The following YY1AP1 variants were observed in gnomAD, a reference collection of about 807,000 sequenced individuals.
YY1AP1 encodes the protein YY1-associated protein 1.
Under a neutral mutation model 39.9 loss-of-function variants are expected in YY1AP1, and 43 were observed. That is an observed-to-expected ratio of 1.08 (90% CI 0.84 to 1.39). YY1AP1 has a LOEUF of 1.39. Among genes scored for constraint, YY1AP1 ranks in the 40% most tolerant of loss-of-function variants. The pLI is 0.00. For missense variants in YY1AP1, 813 were observed against 900.7 expected, an observed-to-expected ratio of 0.90 and a Z score of 1.25; for synonymous variants, 292 against 331.3, an observed-to-expected ratio of 0.88 and a Z score of 1.29.
chr1:155,680,741 A>G (rs957225520), intron 2 of YY1AP1, among the ~76,000 whole-genome samples: 4 of 151,958 alleles, frequency 2.6e-5, no homozygotes, highest in Admixed American at 6.6e-5. Flanking sequence ...TAATTCTTCC[A>G]TATTTTGTAG....
chr1:155,675,226 C>A, intron 5 of YY1AP1, 130 bp from the exon 6 acceptor site: 2 of 754,464 alleles, frequency 2.7e-6, no homozygotes. Context: ...AGTGGTGCAA[C>A]CATGACTCAA....
At chr1:155,666,395 A>G (rs1331051173) in intron 9 of YY1AP1, among the ~76,000 whole-genome samples, 1 of 152,218 alleles carries the variant, frequency 6.6e-6, no homozygotes, top group Non-Finnish European at 1.5e-5. Context: ...TGCTGGGATT[A>G]CAGGCGTGAG....
At chr1:155,667,192 AAT>A (rs1649135417) in intron 9 of YY1AP1, among the ~76,000 whole-genome samples, 1 of 152,000 alleles carries the variant, frequency 6.6e-6, no homozygotes, top group Non-Finnish European at 1.5e-5. Context: ...TCTCAAGAAA[AAT>A]ACAAAAACAC....
chr1:155,685,635 T>A (rs1421143466), intron 2 of YY1AP1, among the ~76,000 whole-genome samples: 1 of 152,202 alleles, frequency 6.6e-6, no homozygotes, highest in African/African-American at 2.4e-5. Context: ...AAATTAAAAA[T>A]ATGGATCCTG....
chr1:155,664,772 T>TTAA (rs1201144373), intron 9 of YY1AP1, among the ~76,000 whole-genome samples: 1 of 150,752 alleles, frequency 6.6e-6, no homozygotes, highest in African/African-American at 2.4e-5. Context: ...ATGGAGATTT[T>TTAA]TTTTTTTTTT....
At chr1:155,680,378 T>C in intron 3 of YY1AP1, 38 bp downstream of exon 3, 1 of 1,611,642 alleles carries the variant, frequency 6.2e-7, no homozygotes, top group Non-Finnish European at 8.5e-7. Flanking sequence ...GAGAACCAAC[T>C]TACAATCCCA....
At chr1:155,673,589 C>G (rs529719902) in intron 6 of YY1AP1, among the ~76,000 whole-genome samples, 4 of 152,050 alleles carry the variant, frequency 2.6e-5, no homozygotes, top group Admixed American at 2.0e-4. Flanking sequence ...CTCTGTCACC[C>G]AGGCTGGAGT....
chr1:155,688,251 C>T (rs1217075933), intron 1 of YY1AP1, 50 bp from the exon 2 acceptor site: 1 of 1,607,868 alleles, frequency 6.2e-7, no homozygotes. Flanking sequence ...GCTAAAGGGG[C>T]AAACTGAGAG....
intron 9 of YY1AP1, among the ~76,000 whole-genome samples, chr1:155,661,719 G>A (rs966228615): frequency 6.6e-6 from 1 of 152,188 alleles, no homozygotes; most frequent in Admixed American, 6.5e-5. Flanking sequence ...GCAATGGCGC[G>A]ATCTCCGCTC....
At chr1:155,665,523 C>T (rs1233023996) in intron 9 of YY1AP1, among the ~76,000 whole-genome samples, 7 of 151,666 alleles carry the variant, frequency 4.6e-5, no homozygotes, top group Admixed American at 1.3e-4. Context: ...TGCTTGAACC[C>T]GGGAGGCGGA....
At position 155,660,728 on chromosome 1, in the gene YY1AP1, T is replaced by G. The variant is rs755439774; in HGVS notation, c.1182A>C (p.Pro394=). 26 of 1,614,112 alleles carry G rather than the reference T, an allele frequency of 1.6e-5. No individual in the cohort carries two copies. The highest frequency in any genetic ancestry group is 1.0e-4 in the Admixed American group (6 of 60,008). Residue 394 remains proline (P), a synonymous_variant, in exon 11 of 11, where the codon CCA becomes CCC. Transcript: ENST00000355499. ...LPKGVVLKLK[P]VADRFPKKAW... is the part of the protein sequence containing the mutation. ...CCTTCTTGGGGAAACGGTCGGCAAC[T>G]GGCTTCAGTTTCAGGACTACACCCT... is the stretch of plus-strand genomic sequence containing the variant.
At chr1:155,679,185 A>G in intron 4 of YY1AP1, 1 of 1,487,860 alleles carries the variant, frequency 6.7e-7, no homozygotes, top group African/African-American at 1.4e-5. Flanking sequence ...GATGCCAGCT[A>G]CTGTTTTTTC....
At chr1:155,682,786 A>T (rs1260008926) in intron 2 of YY1AP1, among the ~76,000 whole-genome samples, 1 of 152,130 alleles carries the variant, frequency 6.6e-6, no homozygotes, top group Non-Finnish European at 1.5e-5. Flanking sequence ...AATTTTTGTC[A>T]ACAGAAGAAT....
upstream of YY1AP1, chr1:155,688,814 A>C: frequency 3.8e-6 from 6 of 1,563,616 alleles, no homozygotes; most frequent in Non-Finnish European, 5.2e-6. Flanking sequence ...CCACCGCGGG[A>C]CTGTTCCATT....
intron 9 of YY1AP1, among the ~76,000 whole-genome samples, chr1:155,665,608 A>C (rs1648869957): frequency 6.6e-6 from 1 of 151,256 alleles, no homozygotes; most frequent in Non-Finnish European, 1.5e-5. Context: ...TCTCAAAAAA[A>C]AGCAAAACAA....
intron 6 of YY1AP1, among the ~76,000 whole-genome samples, chr1:155,674,138 G>A (rs1318102119): frequency 7.1e-6 from 1 of 141,254 alleles, no homozygotes; most frequent in Non-Finnish European, 1.5e-5. Context: ...TCCAGCCTGG[G>A]CGACAGAGCG....
At position 155,659,957 on chromosome 1, in the gene YY1AP1, G is replaced by A; in HGVS notation, c.1953C>T (p.Ala651=). 1.2e-6 allele frequency: 2 copies of A among 1,614,228 alleles called. No homozygotes were observed. Among genetic ancestry groups the A allele is most frequent in the South Asian group, 1.1e-5 (1 of 91,084 alleles). ...CTAATTTGGGTTCTAGGCCCTGAAAGGCATTTTCCCCATCAGCCACAGCAC... is the reference window on the plus strand; with the variant it reads ...CTAATTTGGGTTCTAGGCCCTGAAAAGCATTTTCCCCATCAGCCACAGCAC... ...IACAVADGEN[A]FQGLEPKLEP... is the part of the protein sequence containing the mutation. Residue 651 remains alanine (A), a synonymous_variant, in exon 11 of 11, where the codon GCC becomes GCT. Transcript: ENST00000355499.
At chr1:155,688,532 C>T (rs1653054669) in intron 1 of YY1AP1, 127 bp downstream of exon 1, 5 of 1,543,768 alleles carry the variant, frequency 3.2e-6, no homozygotes, top group African/African-American at 1.4e-5. Flanking sequence ...TCCCACCAAC[C>T]ACCACCTTCG....
rs2149090240 is a variant in YY1AP1, at chr1:155,688,639, G to A, written c.-152+20C>T. On this transcript the variant is annotated intron_variant, in intron 1 of 10. Coordinates refer to ENST00000355499, the MANE Select transcript of YY1AP1 (RefSeq NM_139119.3). ...CTCAGACCCTGTCAAGCCGGCTCCA[G>A]CGCAGGCCCTCACGCGTACCTTCAG... is the stretch of plus-strand genomic sequence containing the variant. The A allele has an allele frequency of 1.3e-6, 2 of 1,534,468 alleles. No individual in the cohort carries two copies. The highest frequency in any genetic ancestry group is 1.2e-5 in the South Asian group (1 of 83,272).
Sources: gnomAD v4.1 joint callset for allele counts (sites outside exome capture counted in the v4.1 genomes callset) on GRCh38, gnomAD v4.1.1 for gene constraint, MANE v1.5 for transcripts, NCBI Gene and HGNC (gene_info 2026-07-23, HGNC 2026-07-21) for gene names.